Variants in CWC22 observed in about 807,000 individuals in gnomAD.
CWC22 encodes the protein pre-mRNA-splicing factor CWC22 homolog.
A neutral mutation model predicts 117.2 loss-of-function variants in CWC22; 53 were observed. The ratio of observed to expected loss-of-function variants is 0.45; its 90% confidence interval spans 0.36 to 0.57. The LOEUF (loss-of-function observed/expected upper bound fraction) is 0.57. CWC22 is among the 20% of genes least tolerant of loss of function. The pLI is 0.00. For missense variants in CWC22, 980 were observed against 1,068.8 expected, an observed-to-expected ratio of 0.92 and a Z score of 1.16; for synonymous variants, 360 against 355.6, an observed-to-expected ratio of 1.01 and a Z score of -0.14.
intron 19 of CWC22, among the ~76,000 whole-genome samples, chr2:179,946,258 T>A (rs998685225): frequency 6.6e-6 from 1 of 151,942 alleles, no homozygotes; most frequent in African/African-American, 2.4e-5. Flanking sequence ...GAGACCAGCC[T>A]GGGTAACGTA....
rs577926815 is a variant in CWC22 at position 179,994,067 on chromosome 2, T to C, written c.-113-613A>G. 2.0e-5 allele frequency among the ~76,000 whole-genome samples: 3 copies of C among 152,304 alleles called. No homozygotes were observed. The East Asian group carries it at 5.8e-4, about 29-fold the overall frequency. On this transcript the variant is annotated intron_variant, in intron 1 of 19. Transcript: ENST00000410053. ...AATAAACCTAGTCATCAGCATTAAA[T>C]CTAAAATCTTCAGATGTGTTTTAAT...
At chr2:180,001,049 A>C (rs1432266124) in intron 1 of CWC22, among the ~76,000 whole-genome samples, 1 of 152,202 alleles carries the variant, frequency 6.6e-6, no homozygotes. Flanking sequence ...TCTTTTCAAC[A>C]GAATGCAGGA....
intron 19 of CWC22, among the ~76,000 whole-genome samples, chr2:179,950,084 T>C (rs1282034425): frequency 6.6e-6 from 1 of 152,168 alleles, no homozygotes; most frequent in African/African-American, 2.4e-5. Context: ...TGAGGATGTG[T>C]TCCCTTTATA....
intron 5 of CWC22, among the ~76,000 whole-genome samples, chr2:179,980,044 T>C (rs1042135473): frequency 7.2e-5 from 11 of 152,212 alleles, no homozygotes; most frequent in African/African-American, 2.2e-4. Flanking sequence ...ATTGCATGTA[T>C]TGCTGACTCT....
chr2:179,953,715 G>A (rs1431975345), intron 16 of CWC22, among the ~76,000 whole-genome samples: 2 of 152,026 alleles, frequency 1.3e-5, no homozygotes, highest in African/African-American at 4.8e-5. Context: ...ATGACTATAG[G>A]ATATCCTCTC....
At chr2:179,981,109 A>G (rs1371954658) in intron 5 of CWC22, among the ~76,000 whole-genome samples, 3 of 152,230 alleles carry the variant, frequency 2.0e-5, no homozygotes, top group Admixed American at 1.3e-4. Context: ...ATGTACAAAA[A>G]GAGATAATTG....
Position 179,988,557 on chromosome 2 carries a change from G to A in CWC22, c.95+20C>T. On this transcript the variant is annotated intron_variant, in intron 3 of 19. Transcript: ENST00000410053. ...ACTATAAAAATTTACATTGCATTCA[G>A]AGCATATTAAACTATTTACCTGTCT... The A allele has an allele frequency of 1.6e-6, 2 of 1,277,274 alleles. No individual in the cohort carries two copies. The highest frequency in any genetic ancestry group is 2.0e-4 in the Middle Eastern group (1 of 5,114). 79.1% of individuals were successfully genotyped at this position (1,277,274 alleles called of 1,614,324 possible). A position where few individuals can be genotyped will look rare whatever the true frequency, so the allele number is the denominator to read the frequency against.
At chr2:179,951,255 T>C (rs1384312574) in intron 17 of CWC22, among the ~76,000 whole-genome samples, 1 of 152,018 alleles carries the variant, frequency 6.6e-6, no homozygotes, top group East Asian at 1.9e-4. Flanking sequence ...CACACACGTA[T>C]ATATAGTGAA....
chr2:179,992,473 T>C (rs1687591308), intron 2 of CWC22, among the ~76,000 whole-genome samples: 1 of 152,188 alleles, frequency 6.6e-6, no homozygotes, highest in Admixed American at 6.5e-5. Flanking sequence ...CTCAAATGGC[T>C]ATCTTTTCAA....
chr2:180,006,168 GTC>G (rs34641407), intron 1 of CWC22, among the ~76,000 whole-genome samples: 25,993 of 152,100 alleles, frequency 0.17, 2,277 homozygotes, highest in East Asian at 0.26. Flanking sequence ...GCTATTTCGA[GTC>G]TCTGCACATC....
intron 4 of CWC22, among the ~76,000 whole-genome samples, chr2:179,984,434 T>C (rs954061689): frequency 6.6e-6 from 1 of 152,016 alleles, no homozygotes; most frequent in African/African-American, 2.4e-5. Flanking sequence ...TCTGACATTA[T>C]AGGATTAGGT....
intron 1 of CWC22, among the ~76,000 whole-genome samples, chr2:179,997,865 AG>A (rs1239033162): frequency 2.0e-5 from 3 of 152,180 alleles, no homozygotes; most frequent in African/African-American, 7.2e-5. Flanking sequence ...CACTCAAGCA[AG>A]GTGACAGGTT....
At chr2:179,956,276 C>T (rs1008972485) in intron 14 of CWC22, among the ~76,000 whole-genome samples, 2 of 151,736 alleles carry the variant, frequency 1.3e-5, no homozygotes, top group South Asian at 2.1e-4. Flanking sequence ...TTATGCTGTT[C>T]AACATGGTAG....
Position 179,950,824 on chromosome 2 carries a change from C to A in CWC22, c.1919+1G>T. 1.9e-6 allele frequency: 3 copies of A among 1,601,354 alleles called. No individual in the cohort carries two copies. The highest frequency in any genetic ancestry group is 2.6e-6 in the Non-Finnish European group (3 of 1,171,346). On this transcript the variant is annotated splice_donor_variant, in intron 18 of 19. Transcript: ENST00000410053. LOFTEE classifies it high-confidence loss of function. ...ACATAAATTCTGAGAATAATCCTTACGTTAAACCTCCAAGACCTATAGAAG... is the reference window on the plus strand; with the variant it reads ...ACATAAATTCTGAGAATAATCCTTAAGTTAAACCTCCAAGACCTATAGAAG...
chr2:179,973,759 G>C lies in CWC22; in HGVS notation c.625C>G (p.Pro209Ala). The C allele has an allele frequency of 6.2e-7, 1 of 1,611,312 alleles. No individual in the cohort carries two copies. Among genetic ancestry groups the C allele is most frequent in the Admixed American group, 1.7e-5 (1 of 59,638 alleles). Residue 209 changes from proline to alanine, a missense_variant, in exon 7 of 20, where the codon CCA (proline) becomes GCA (alanine). Around this residue, in one of 3 missense-constraint regions of CWC22, gnomAD observed 559 missense variants for 602.3 expected, o/e 0.93. Coordinates refer to ENST00000410053, the MANE Select transcript of CWC22 (RefSeq NM_020943.3). ...GCTGCATAAACATGGGTGAAGATTG[G>C]AGAAGCACTCTGTGCTTGCAAAACA... Reference protein sequence around the residue: ...RSVLQAQSASPIFTHVYAALV... With the variant: ...RSVLQAQSASAIFTHVYAALV...
chr2:179,953,147 T>C (rs1240932158), intron 16 of CWC22, among the ~76,000 whole-genome samples: 3 of 151,978 alleles, frequency 2.0e-5, no homozygotes, highest in Non-Finnish European at 4.4e-5. Context: ...GGCCCATTAG[T>C]TGGTTAATTG....
At chr2:179,956,951 G>T (rs2105513031) in intron 14 of CWC22, among the ~76,000 whole-genome samples, 1 of 151,950 alleles carries the variant, frequency 6.6e-6, no homozygotes, top group South Asian at 2.1e-4. Flanking sequence ...TAGCTTATAA[G>T]AATTAAATAT....
intron 14 of CWC22, 74 bp downstream of exon 14, chr2:179,958,948 A>G: frequency 4.9e-6 from 4 of 824,326 alleles, no homozygotes; most frequent in Non-Finnish European, 8.0e-6. Flanking sequence ...AATCCACAAA[A>G]CTTACCCATT....
chr2:179,948,272 T>C (rs557335252), intron 19 of CWC22, among the ~76,000 whole-genome samples: 106 of 151,434 alleles, frequency 7.0e-4, no homozygotes, highest in African/African-American at 2.1e-3. Context: ...TAACCGTGAG[T>C]CTATATTGAT....
Sources: gnomAD v4.1 joint callset for allele counts (sites outside exome capture counted in the v4.1 genomes callset) on GRCh38, gnomAD v4.1.1 for gene constraint, gnomAD v4.1.1 regional missense constraint, MANE v1.5 for transcripts, NCBI Gene and HGNC (gene_info 2026-07-23, HGNC 2026-07-21) for gene names.